Variants in ARHGEF18 observed in about 807,000 individuals in gnomAD.
ARHGEF18 encodes the protein rho guanine nucleotide exchange factor 18.
A neutral mutation model predicts 155.7 loss-of-function variants in ARHGEF18; 93 were observed. The observed-to-expected ratio is 0.60, with a 90% confidence interval of 0.50 to 0.71. The LOEUF (loss-of-function observed/expected upper bound fraction) is 0.71, where lower values mean the gene tolerates loss of function less well. Ranked by LOEUF, ARHGEF18 falls within the 30% of genes least tolerant of loss-of-function variation. The pLI is 0.00. For missense variants in ARHGEF18, 1,593 were observed against 1,816.1 expected, an observed-to-expected ratio of 0.88 and a Z score of 2.23; for synonymous variants, 742 against 753.1, an observed-to-expected ratio of 0.99 and a Z score of 0.24.
intron 15 of ARHGEF18, among the ~76,000 whole-genome samples, chr19:7,448,458 G>A (rs773920931): frequency 1.2e-4 from 19 of 152,136 alleles, no homozygotes; most frequent in Non-Finnish European, 1.8e-4. Context: ...TCAGGAGATC[G>A]AGACCATCCT....
At chr19:7,409,021 C>T (rs1972501020) in intron 10 of ARHGEF18, among the ~76,000 whole-genome samples, 1 of 150,768 alleles carries the variant, frequency 6.6e-6, no homozygotes, top group Non-Finnish European at 1.5e-5. Flanking sequence ...GATTGCACCA[C>T]TGCATTCCAG....
At chr19:7,452,881 T>C (rs1208472295) in intron 16 of ARHGEF18, among the ~76,000 whole-genome samples, 1 of 151,938 alleles carries the variant, frequency 6.6e-6, no homozygotes, top group African/African-American at 2.4e-5. Flanking sequence ...CTGCATTCGA[T>C]AGATGCTCTA....
chr19:7,373,843 A>G (rs1970315313), intron 3 of ARHGEF18, among the ~76,000 whole-genome samples: 1 of 136,160 alleles, frequency 7.3e-6, no homozygotes, highest in East Asian at 2.2e-4. Context: ...TCCCGCTCCT[A>G]TGAGAATTTT....
At chr19:7,410,395 T>TAC (rs975420548) in intron 10 of ARHGEF18, among the ~76,000 whole-genome samples, 30 of 151,814 alleles carry the variant, frequency 2.0e-4, no homozygotes, top group Middle Eastern at 6.8e-3. Context: ...TATATATATA[T>TAC]ACACACACAC....
At chr19:7,431,529 A>AAAAAAAAAAAAAG (rs901539858) in intron 10 of ARHGEF18, among the ~76,000 whole-genome samples, 2 of 146,962 alleles carry the variant, frequency 1.4e-5, no homozygotes, top group South Asian at 2.2e-4. Context: ...AAAAAAAAAA[A>AAAAAAAAAAAAAG]AAAAGGCCGG....
intron 10 of ARHGEF18, among the ~76,000 whole-genome samples, chr19:7,400,162 G>A (rs892431178): frequency 2.6e-5 from 4 of 152,018 alleles, no homozygotes; most frequent in Non-Finnish European, 4.4e-5. Context: ...GATGGTGGAT[G>A]GTTACATTTT....
At chr19:7,353,155 C>T (rs569096941) in intron 1 of ARHGEF18, among the ~76,000 whole-genome samples, 1 of 151,830 alleles carries the variant, frequency 6.6e-6, no homozygotes, top group South Asian at 2.1e-4. Context: ...CCTTTCTTTC[C>T]AGGGCCGTGA....
At chr19:7,358,583 TCCATTTATCTAC>T (rs1969422550) in intron 1 of ARHGEF18, among the ~76,000 whole-genome samples, 1 of 152,020 alleles carries the variant, frequency 6.6e-6, no homozygotes, top group Admixed American at 6.6e-5. Flanking sequence ...CAACCATCTA[TCCATTTATCTAC>T]CCATTTATCC....
chr19:7,358,753 C>T (rs899024572), intron 1 of ARHGEF18, among the ~76,000 whole-genome samples: 2 of 152,186 alleles, frequency 1.3e-5, no homozygotes, highest in Admixed American at 1.3e-4. Context: ...AAAGTCAGTG[C>T]ACCTCTCTAA....
At position 7,367,759 on chromosome 19, in the gene ARHGEF18, AT is replaced by A. The variant is rs1320643582; in HGVS notation, c.15+4855del. ...GAAACTCCATCTCAAAAAAAAAAAA[AT>A]ATATATATATATACACATATATATA... On this transcript the variant is annotated intron_variant, in intron 2 of 28. Coordinates refer to ENST00000668164, the MANE Select transcript of ARHGEF18 (RefSeq NM_001367823.1). Among the ~76,000 whole-genome samples the A allele has an allele frequency of 1.0e-3, 25 of 23,986 alleles. 1 individual carries two copies. In the East Asian group the frequency reaches 0.016, roughly 15 times the overall value. 15.7% of individuals were successfully genotyped at this position (23,986 alleles called of 152,430 possible).
At chr19:7,377,366 C>T (rs899057215) in intron 5 of ARHGEF18, among the ~76,000 whole-genome samples, 5 of 151,908 alleles carry the variant, frequency 3.3e-5, no homozygotes, top group Admixed American at 6.6e-5. Context: ...CCACCGCGCC[C>T]AGCATTCTGA....
chr19:7,358,938 C>T (rs1969435072), intron 1 of ARHGEF18, among the ~76,000 whole-genome samples: 1 of 152,204 alleles, frequency 6.6e-6, no homozygotes, highest in African/African-American at 2.4e-5. Context: ...ACTGCCCTCA[C>T]AGACCTCATG....
At chr19:7,410,907 C>G (rs1193597672) in intron 10 of ARHGEF18, among the ~76,000 whole-genome samples, 3 of 151,916 alleles carry the variant, frequency 2.0e-5, no homozygotes. Flanking sequence ...CACGCACTGC[C>G]CTTCCTAAGA....
chr19:7,460,655 G>T (rs978206964), intron 20 of ARHGEF18, among the ~76,000 whole-genome samples: 4 of 152,230 alleles, frequency 2.6e-5, no homozygotes, highest in Admixed American at 2.0e-4. Context: ...GGCCTTTTGG[G>T]TCTGGCTCCT....
rs186793177 is a variant in ARHGEF18 at position 7,420,195 on chromosome 19, C to T, written c.968-20149C>T. 5.9e-5 allele frequency among the ~76,000 whole-genome samples: 9 copies of T among 152,274 alleles called. No homozygotes were observed. The East Asian group carries it at 1.5e-3, about 26-fold the overall frequency. On this transcript the variant is annotated intron_variant, in intron 10 of 28. Coordinates refer to ENST00000668164, the MANE Select transcript of ARHGEF18 (RefSeq NM_001367823.1). ...TCTTGAACTCCTGGGCTCAAGTGAT[C>T]CTCCTGCTGCAGCCTCCTAAGTACA...
intron 19 of ARHGEF18, 40 bp from the exon 20 acceptor site, chr19:7,459,863 C>G: frequency 6.5e-7 from 1 of 1,528,738 alleles, no homozygotes; most frequent in Non-Finnish European, 8.9e-7. Context: ...GCTGGCCTGC[C>G]TGGGAAGCAC....
intron 10 of ARHGEF18, among the ~76,000 whole-genome samples, chr19:7,389,871 C>A (rs1971300228): frequency 6.6e-6 from 1 of 152,060 alleles, no homozygotes; most frequent in Admixed American, 6.6e-5. Context: ...TGCAGGACAA[C>A]CCTTTGAGGT....
In ARHGEF18 at chr19:7,382,914, G is replaced by T; in HGVS notation, c.825+20G>T. The stretch of plus-strand genomic sequence containing the variant: ...GAGAAGGTAAGGGGAGCTAAGCCAC[G>T]GGGGCCCTCCTCTGCCTTCCCCAGC... On this transcript the variant is annotated intron_variant, in intron 9 of 28. Transcript: ENST00000668164. The T allele has an allele frequency of 8.1e-7, 1 of 1,232,564 alleles. No individual in the cohort carries two copies. Among genetic ancestry groups the T allele is most frequent in the African/African-American group, 1.5e-5 (1 of 64,554 alleles). The allele number at this position is 1,232,564 out of a possible 1,614,324, so 76.4% of individuals were successfully genotyped here.
chr19:7,441,174 C>G (rs1403215915), intron 11 of ARHGEF18, among the ~76,000 whole-genome samples: 1 of 94,490 alleles, frequency 1.1e-5, no homozygotes, highest in Non-Finnish European at 1.9e-5. Flanking sequence ...CCACCCCCCG[C>G]CCCCCACCAC....
Sources: gnomAD v4.1 joint callset for allele counts (sites outside exome capture counted in the v4.1 genomes callset) on GRCh38, gnomAD v4.1.1 for gene constraint, MANE v1.5 for transcripts, NCBI Gene and HGNC (gene_info 2026-07-23, HGNC 2026-07-21) for gene names.